The following KLHL30 variants were observed in gnomAD, a reference collection of about 807,000 sequenced individuals.
KLHL30 encodes the protein kelch-like protein 30.
In KLHL30, 55 loss-of-function variants were observed where a neutral mutation model predicts 55.0. The ratio of observed to expected loss-of-function variants is 1.00; its 90% confidence interval spans 0.80 to 1.25. The LOEUF (loss-of-function observed/expected upper bound fraction) is 1.25, where lower values mean the gene tolerates loss of function less well. KLHL30 is among the 50% of genes most tolerant of loss of function. The pLI, the probability that KLHL30 is intolerant of heterozygous loss-of-function variation, is 0.00. For missense variants in KLHL30, 786 were observed against 811.6 expected (o/e 0.97, Z 0.38); for synonymous variants, 356 against 372.6 (o/e 0.96, Z 0.51).
At chr2:238,148,720 C>T (rs973052223) in intron 6 of KLHL30, among the ~76,000 whole-genome samples, 11 of 152,184 alleles carry the variant, frequency 7.2e-5, no homozygotes, top group African/African-American at 2.4e-5. Context: ...GGCCAAAGCA[C>T]CCCCACCACA....
At chr2:238,148,638 G>A (rs550462211) in intron 6 of KLHL30, among the ~76,000 whole-genome samples, 9 of 152,096 alleles carry the variant, frequency 5.9e-5, no homozygotes, top group East Asian at 1.9e-4. Flanking sequence ...TACCAGGCCC[G>A]GGGTTGGGGG....
intron 2 of KLHL30, 25 bp downstream of exon 2, chr2:238,141,553 A>G: frequency 2.1e-6 from 3 of 1,432,904 alleles, no homozygotes; most frequent in Non-Finnish European, 2.7e-6. Context: ...GGGAGGCCCC[A>G]TCCCTGGGAA....
In KLHL30 at chr2:238,147,637, C is replaced by A. The variant is rs993148939; in HGVS notation, c.1151-197C>A. ...GGGCATTTCTAGGCCCGAGTGTCCA[C>A]CCCCACCCCCACCACTTCCTGGCGG... is the stretch of plus-strand genomic sequence containing the variant. On this transcript the variant is annotated intron_variant, in intron 5 of 7. Transcript: ENST00000409223. This position sits in a 1 kb window ranked among gnomAD's most constrained non-coding sequence, Gnocchi z 5.8. Among the ~76,000 whole-genome samples the A allele has an allele frequency of 6.6e-6, 1 of 152,160 alleles. No homozygotes were observed. The highest frequency in any genetic ancestry group is 1.5e-5 in the Non-Finnish European group (1 of 67,990).
At chr2:238,146,181 G>C (rs1378585355) in intron 5 of KLHL30, among the ~76,000 whole-genome samples, 1 of 152,054 alleles carries the variant, frequency 6.6e-6, no homozygotes, top group Non-Finnish European at 1.5e-5. Context: ...GCTACAGCAA[G>C]GAGTCACCCA....
chr2:238,148,422 G>A (rs2106314087), intron 6 of KLHL30, among the ~76,000 whole-genome samples: 1 of 152,302 alleles, frequency 6.6e-6, no homozygotes, highest in Non-Finnish European at 1.5e-5. Flanking sequence ...AGGCCTCGAG[G>A]CCCATCTTGG....
intron 3 of KLHL30, among the ~76,000 whole-genome samples, chr2:238,144,418 G>T (rs868005831): frequency 0.019 from 2,213 of 116,992 alleles, 45 homozygotes; most frequent in African/African-American, 0.047. Flanking sequence ...AAGGAAGGAA[G>T]GAAGGAAGGA....
At chr2:238,145,136 C>T (rs1292903727) in intron 4 of KLHL30, 148 bp downstream of exon 4, 3 of 714,348 alleles carry the variant, frequency 4.2e-6, no homozygotes, top group Non-Finnish European at 7.3e-6. Flanking sequence ...CATTTAAAAT[C>T]CGTGGTCACT....
Position 238,141,447 on chromosome 2 carries a change from C to A in KLHL30, c.693C>A (p.Cys231Ter). 1 of 1,539,188 alleles carries A rather than the reference C, an allele frequency of 6.5e-7. No individual in the cohort carries two copies. The highest frequency in any genetic ancestry group is 8.7e-7 in the Non-Finnish European group (1 of 1,148,532). ...ACCTGGACGCCGTGCCCAGGCCCTGCGTGCAGCAACTGCTGGCCTCAGAGC... is the reference window on the plus strand; with the variant it reads ...ACCTGGACGCCGTGCCCAGGCCCTGAGTGCAGCAACTGCTGGCCTCAGAGC... ...LVHLDAVPRPCVQQLLASEPL... is the reference protein window; with the variant it reads ...LVHLDAVPRP The change falls in exon 2 of 8, where the codon TGC becomes TGA. Residue 231 changes from cysteine to a stop codon, truncating the protein, a stop_gained. Transcript: ENST00000409223. LOFTEE classifies it high-confidence loss of function.
At chr2:238,145,630 G>T (rs1325486348) in intron 4 of KLHL30, 47 bp from the exon 5 acceptor site, 1 of 1,551,998 alleles carries the variant, frequency 6.4e-7, no homozygotes, top group Non-Finnish European at 8.7e-7. Context: ...CCATGGCCTG[G>T]TGCCCCAGGC....
intron 7 of KLHL30, among the ~76,000 whole-genome samples, 163 bp downstream of exon 7, chr2:238,149,315 G>A (rs1415346957): frequency 3.4e-5 from 5 of 146,182 alleles, no homozygotes; most frequent in Admixed American, 2.0e-4. Flanking sequence ...AGGGGGTGGC[G>A]CAGGCTGGGG....
chr2:238,147,999 T>C lies in KLHL30; in HGVS notation c.1316T>C (p.Leu439Pro). 6.6e-7 allele frequency: 1 copy of C among 1,518,330 alleles called. No homozygotes were observed. Among genetic ancestry groups the C allele is most frequent in the Admixed American group, 2.1e-5 (1 of 47,292 alleles). 94.1% of individuals were successfully genotyped at this position (1,518,330 alleles called of 1,614,324 possible). A position where few individuals can be genotyped will look rare whatever the true frequency, so the allele number is the denominator to read the frequency against. Residue 439 changes from leucine (L) to proline (P), a missense_variant, in exon 6 of 8, where the codon CTG becomes CCG. Physicochemically the swap from Leu to Pro is moderately conservative, Grantham distance 98 (BLOSUM62 -3). Transcript: ENST00000409223. The surrounding 1 kb of genome is among the most constrained non-coding windows in gnomAD (Gnocchi z 5.8). The part of the protein sequence containing the change: ...SSACKYNALA[L>P]QCYNPVTDAW... ...GCCTGCAAGTACAACGCCCTGGCCC[T>C]GCAGTGCTACAACCCTGTCACAGGT...
At chr2:238,144,330 C>T (rs1178913854) in intron 3 of KLHL30, among the ~76,000 whole-genome samples, 3 of 150,122 alleles carry the variant, frequency 2.0e-5, no homozygotes, top group Non-Finnish European at 4.5e-5. Context: ...TCCTGATCCC[C>T]TGTATGTGCC....
At position 238,144,380 on chromosome 2, in the gene KLHL30, AAGGAAGGAAGGAAGGAAGGAAGGAAG is replaced by A. The variant is rs1692594898; in HGVS notation, c.908-521_908-496del. 5.3e-3 allele frequency among the ~76,000 whole-genome samples: 542 copies of A among 102,594 alleles called. 4 individuals carry two copies. The highest frequency in any genetic ancestry group is 8.2e-3 in the South Asian group (22 of 2,684). 67.3% of individuals were successfully genotyped at this position (102,594 alleles called of 152,430 possible). A position where few individuals can be genotyped will look rare whatever the true frequency, so the allele number is the denominator to read the frequency against. On this transcript the variant is annotated intron_variant, in intron 3 of 7. Coordinates refer to ENST00000409223, the MANE Select transcript of KLHL30 (RefSeq NM_198582.4). Reference sequence around the variant, plus strand: ...GCAGGGAGGGTGCTCGGAAGGAAGGAAGGAAGGAAGGAAGGAAGGAAGGAAGGAAGGAAGGAAGGAAGGAAGGAAGG... The same window carrying A: ...GCAGGGAGGGTGCTCGGAAGGAAGGAGAAGGAAGGAAGGAAGGAAGGAAGG...
At position 238,146,807 on chromosome 2, in the gene KLHL30, G is replaced by C. The variant is rs948586412; in HGVS notation, c.1150+975G>C. Among the ~76,000 whole-genome samples, 8 of 151,732 alleles carry C rather than the reference G, an allele frequency of 5.3e-5. 1 individual carries two copies. The highest frequency in any genetic ancestry group is 1.9e-4 in the African/African-American group (8 of 41,342). On this transcript the variant is annotated intron_variant, in intron 5 of 7. Coordinates refer to ENST00000409223, the MANE Select transcript of KLHL30 (RefSeq NM_198582.4). ...GAGGCTGAGGCAGGCGGATCACGAG[G>C]CCAGGAGTTCAAGACCAGCCTGGCC...
chr2:238,144,428 A>AAGGAAGGAAGGAAGGAAGGC (rs1692606703), intron 3 of KLHL30, among the ~76,000 whole-genome samples: 1 of 76,964 alleles, frequency 1.3e-5, no homozygotes, highest in Non-Finnish European at 2.8e-5. Flanking sequence ...GGAAGGAAGG[A>AAGGAAGGAAGGAAGGAAGGC]AGGAAGGCAG....
At chr2:238,144,174 C>G (rs1219294807) in intron 3 of KLHL30, among the ~76,000 whole-genome samples, 1 of 152,196 alleles carries the variant, frequency 6.6e-6, no homozygotes, top group African/African-American at 2.4e-5. Context: ...CTGTCATCAG[C>G]TGAGCAGTTC....
chr2:238,150,031 C>T (rs946242216), intron 7 of KLHL30, among the ~76,000 whole-genome samples: 10 of 152,214 alleles, frequency 6.6e-5, no homozygotes, highest in Non-Finnish European at 1.3e-4. Flanking sequence ...CTGCCCACAG[C>T]TGTCCCCTGG....
chr2:238,144,298 G>C, intron 3 of KLHL30, among the ~76,000 whole-genome samples: 1 of 152,162 alleles, frequency 6.6e-6, no homozygotes, highest in East Asian at 1.9e-4. Context: ...CTGAGATTTG[G>C]ACCTGCTCTG....
At chr2:238,140,509 ACCT>A (rs1258765973) in intron 1 of KLHL30, among the ~76,000 whole-genome samples, 173 bp from the exon 2 acceptor site, 1 of 151,964 alleles carries the variant, frequency 6.6e-6, no homozygotes, top group Non-Finnish European at 1.5e-5. Context: ...CACCTGCCCT[ACCT>A]TGCAGGGTTC....
Sources: gnomAD v4.1 joint callset for allele counts (sites outside exome capture counted in the v4.1 genomes callset) on GRCh38, gnomAD v4.1.1 for gene constraint, Gnocchi (gnomAD v3.1) non-coding constraint, MANE v1.5 for transcripts, NCBI Gene and HGNC (gene_info 2026-07-23, HGNC 2026-07-21) for gene names.